DST: variants seen among roughly 807,000 people sequenced by gnomAD.
The protein encoded by DST is bullous pemphigoid antigen.
A neutral mutation model predicts 875.2 loss-of-function variants in DST; 253 were observed. The observed-to-expected ratio is 0.29, with a 90% confidence interval of 0.26 to 0.32. The LOEUF (loss-of-function observed/expected upper bound fraction) is 0.32, where lower values mean the gene tolerates loss of function less well. DST is among the 10% of genes least tolerant of loss of function. The pLI is 1.00. For missense variants in DST, 8,287 were observed against 9,111.6 expected, an observed-to-expected ratio of 0.91 and a Z score of 3.68; for synonymous variants, 3,124 against 3,197.1, an observed-to-expected ratio of 0.98 and a Z score of 0.77.
intron 4 of DST, among the ~76,000 whole-genome samples, chr6:56,772,158 G>C (rs575545296): frequency 4.6e-5 from 7 of 152,200 alleles, no homozygotes; most frequent in African/African-American, 1.4e-4. Context: ...TTTTAAAATA[G>C]GTATATTTTT....
rs1265263607 is a variant in DST at position 56,810,190 on chromosome 6, G to A, written c.625+41207C>T. ...AAAAATTAGCCAGGCATGGTGGCAC[G>A]TTCCAGCTACTTGGAAGGCTGAGAT... On this transcript the variant is annotated intron_variant, in intron 4 of 103. Transcript: ENST00000680361. 2.0e-5 allele frequency among the ~76,000 whole-genome samples: 3 copies of A among 152,266 alleles called. No individual in the cohort carries two copies. In the East Asian group the frequency reaches 5.8e-4, roughly 29 times the overall value.
At chr6:56,810,712 G>GA (rs1211152515) in intron 4 of DST, among the ~76,000 whole-genome samples, 1,698 of 140,362 alleles carry the variant, frequency 0.012, 25 homozygotes, top group African/African-American at 0.037. Flanking sequence ...GTCTCACAGG[G>GA]AAAAAAAAAA....
At chr6:56,652,104 C>T (rs541637029) in intron 10 of DST, among the ~76,000 whole-genome samples, 2 of 152,172 alleles carry the variant, frequency 1.3e-5, no homozygotes, top group Non-Finnish European at 1.5e-5. Flanking sequence ...TGCATGTGCC[C>T]CCCTACACAC....
intron 43 of DST, among the ~76,000 whole-genome samples, chr6:56,602,304 G>A (rs1367557428): frequency 6.6e-6 from 1 of 151,712 alleles, no homozygotes; most frequent in Non-Finnish European, 1.5e-5. Context: ...TTTTCCTGTC[G>A]TTTTCTATGT....
intron 2 of DST, among the ~76,000 whole-genome samples, chr6:56,930,167 A>T (rs1338005502): frequency 1.3e-5 from 2 of 152,234 alleles, no homozygotes; most frequent in African/African-American, 2.4e-5. Context: ...CTCTGGCCTC[A>T]TCTTGTAGCA....
intron 4 of DST, among the ~76,000 whole-genome samples, chr6:56,812,847 C>T (rs2099762055): frequency 6.6e-6 from 1 of 152,070 alleles, no homozygotes; most frequent in Admixed American, 6.6e-5. Flanking sequence ...GGATCTAGAA[C>T]TAGAAATACC....
chr6:56,518,522 GT>G (rs1212266840), intron 69 of DST, among the ~76,000 whole-genome samples: 1 of 152,010 alleles, frequency 6.6e-6, no homozygotes, highest in Non-Finnish European at 1.5e-5. Flanking sequence ...CTGGATTTTC[GT>G]TTAAGCTTTC....
At position 56,900,630 on chromosome 6, in the gene DST, G is replaced by A; in HGVS notation, c.217-9C>T. The A allele has an allele frequency of 7.3e-7, 1 of 1,366,620 alleles. No homozygotes were observed. The highest frequency in any genetic ancestry group is 9.8e-7 in the Non-Finnish European group (1 of 1,021,512). The allele number at this position is 1,366,620 out of a possible 1,614,324, so 84.7% of individuals were successfully genotyped here. On this transcript the variant is annotated splice_polypyrimidine_tract_variant and intron_variant, in intron 2 of 103. Coordinates refer to ENST00000680361, the MANE Select transcript of DST (RefSeq NM_001374736.1). Reference sequence around the variant, plus strand: ...GGGCTTGCTCTGAATCCCTGTGGCAGAAAACACAACCAAGCAAATCCAGAT... The same window carrying A: ...GGGCTTGCTCTGAATCCCTGTGGCAAAAAACACAACCAAGCAAATCCAGAT...
chr6:56,558,504 TTGC>T (rs1372826418), intron 58 of DST, among the ~76,000 whole-genome samples: 1 of 152,096 alleles, frequency 6.6e-6, no homozygotes, highest in Non-Finnish European at 1.5e-5. Context: ...GATGATGCTG[TTGC>T]TGCTGATCCC....
intron 57 of DST, among the ~76,000 whole-genome samples, chr6:56,560,675 G>A (rs1274069805): frequency 1.3e-5 from 2 of 151,996 alleles, no homozygotes; most frequent in Admixed American, 1.3e-4. Flanking sequence ...CCCCATTAGT[G>A]AGAAAGAATT....
chr6:56,591,629 G>A (rs1263585160), intron 49 of DST, among the ~76,000 whole-genome samples: 1 of 152,102 alleles, frequency 6.6e-6, no homozygotes, highest in Admixed American at 6.5e-5. Flanking sequence ...TTTGTTTGGG[G>A]ATGGAGGGGC....
At position 56,593,602 on chromosome 6, in the gene DST, C is replaced by A. The variant is rs1209194453; in HGVS notation, c.12726+61G>T. Reference sequence around the variant, plus strand: ...AGGTTTCTTGCCTCTTGTTCCAAAACTATAATTGAAAACTATAATTGCAGA... The same window carrying A: ...AGGTTTCTTGCCTCTTGTTCCAAAAATATAATTGAAAACTATAATTGCAGA... On this transcript the variant is annotated intron_variant, in intron 48 of 103. Coordinates refer to ENST00000680361, the MANE Select transcript of DST (RefSeq NM_001374736.1). 5.2e-6 allele frequency: 7 copies of A among 1,338,288 alleles called. No individual in the cohort carries two copies. In the East Asian group the frequency reaches 1.6e-4, roughly 31 times the overall value. 82.9% of individuals were successfully genotyped at this position (1,338,288 alleles called of 1,614,324 possible).
chr6:56,541,469 G>A (rs1156399630), intron 61 of DST: 1 of 152,438 alleles, frequency 6.6e-6, no homozygotes, highest in Non-Finnish European at 1.5e-5. Flanking sequence ...TGACCGCTGT[G>A]GGACGTAACA....
rs186455132 is a variant in DST at position 56,932,821 on chromosome 6, C to G, written c.216+20964G>C. 2.0e-3 allele frequency among the ~76,000 whole-genome samples: 304 copies of G among 151,178 alleles called. 2 individuals are homozygous for G. Among genetic ancestry groups the G allele is most frequent in the African/African-American group, 7.2e-3 (294 of 41,098 alleles). The stretch of plus-strand genomic sequence containing the variant: ...GGACACTTCTTAGGGGTCTGTGGGT[C>G]CCAAGCATAGAAATAATAGAAAATC... On this transcript the variant is annotated intron_variant, in intron 2 of 103. Transcript: ENST00000680361.
chr6:56,475,430 CACACAA>C (rs2095137824), intron 92 of DST, among the ~76,000 whole-genome samples: 1 of 142,454 alleles, frequency 7.0e-6, no homozygotes, highest in Non-Finnish European at 1.6e-5. Context: ...CACACACACA[CACACAA>C]AATAATGGCA....
chr6:56,652,786 C>T (rs2098983969), intron 10 of DST, among the ~76,000 whole-genome samples: 1 of 152,094 alleles, frequency 6.6e-6, no homozygotes, highest in African/African-American at 2.4e-5. Context: ...TTCAACCTGC[C>T]ACCAATATGA....
chr6:56,608,414 G>C lies in DST; in HGVS notation c.6214C>G (p.Leu2072Val). 2 of 1,613,632 alleles carry C rather than the reference G, an allele frequency of 1.2e-6. No individual in the cohort carries two copies. Among genetic ancestry groups the C allele is most frequent in the Non-Finnish European group, 1.7e-6 (2 of 1,179,800 alleles). Residue 2072 changes from leucine (L) to valine (V), a missense_variant, in exon 40 of 104, where the codon CTC (leucine) becomes GTC (valine). This residue lies in a region of DST where 3,138 missense variants were observed against 3,116.6 expected (regional missense o/e 1.01). Coordinates refer to ENST00000680361, the MANE Select transcript of DST (RefSeq NM_001374736.1). ...VLEAQRGYVG[L>V]IWPHSGEIFP... ...ATTTCACCAGAATGGGGCCAAATGA[G>C]TCCAACATAGCCTCGCTGAGCTTCC... is the stretch of plus-strand genomic sequence containing the variant.
rs1468688700 is a variant in DST at position 56,767,434 on chromosome 6, T to C, written c.626-32145A>G. 6.6e-5 allele frequency among the ~76,000 whole-genome samples: 10 copies of C among 152,126 alleles called. No individual in the cohort carries two copies. The East Asian group carries it at 1.9e-3, about 29-fold the overall frequency. On this transcript the variant is annotated intron_variant, in intron 4 of 103. Coordinates refer to ENST00000680361, the MANE Select transcript of DST (RefSeq NM_001374736.1). ...GCATTCAAGACCAGCCTGACCAACATGGCGAAATCCCATCTCTACTAAAAA... is the reference window on the plus strand; with the variant it reads ...GCATTCAAGACCAGCCTGACCAACACGGCGAAATCCCATCTCTACTAAAAA...
chr6:56,691,452 A>G (rs946404257), intron 9 of DST, among the ~76,000 whole-genome samples: 1 of 152,218 alleles, frequency 6.6e-6, no homozygotes, highest in Non-Finnish European at 1.5e-5. Flanking sequence ...ACCTCATTCT[A>G]TCATTATGCA....
Sources: allele counts gnomAD v4.1 joint callset (sites outside exome capture counted in the v4.1 genomes callset), GRCh38; gene constraint gnomAD v4.1.1; regional missense constraint gnomAD v4.1.1; transcripts MANE v1.5; gene names NCBI Gene and HGNC (gene_info 2026-07-23, HGNC 2026-07-21).